The following PCDHA1 variants were observed in gnomAD, a reference collection of about 807,000 sequenced individuals.
The protein encoded by PCDHA1 is protocadherin alpha-1.
In PCDHA1, 42 loss-of-function variants were observed where a neutral mutation model predicts 61.3. That is an observed-to-expected ratio of 0.69 (90% CI 0.54 to 0.89). The LOEUF (loss-of-function observed/expected upper bound fraction) is 0.89, where lower values mean the gene tolerates loss of function less well. Ranked by LOEUF, PCDHA1 falls within the 40% of genes least tolerant of loss-of-function variation. The pLI is 0.00. For missense variants in PCDHA1, 1,256 were observed against 1,235.3 expected, an observed-to-expected ratio of 1.02 and a Z score of -0.25; for synonymous variants, 610 against 553.8, an observed-to-expected ratio of 1.10 and a Z score of -1.43.
chr5:140,896,090 C>CA (rs2065374359), intron 1 of PCDHA1, among the ~76,000 whole-genome samples: 1 of 152,152 alleles, frequency 6.6e-6, no homozygotes, highest in Non-Finnish European at 1.5e-5. Flanking sequence ...GGATTACAGG[C>CA]GTGAGCCACT....
At chr5:140,974,931 A>G (rs555720345) in intron 1 of PCDHA1, among the ~76,000 whole-genome samples, 1 of 152,324 alleles carries the variant, frequency 6.6e-6, no homozygotes, top group African/African-American at 2.4e-5. Context: ...TGTTTAAAAC[A>G]CCACCTATTT....
chr5:140,802,916 C>T (rs1554122439), intron 1 of PCDHA1: 2 of 1,613,732 alleles, frequency 1.2e-6, no homozygotes, highest in Admixed American at 1.7e-5. Context: ...TGGGTGGCAT[C>T]GGTGGCGCAG....
chr5:140,918,473 T>G (rs1385942505), intron 1 of PCDHA1, among the ~76,000 whole-genome samples: 1 of 152,284 alleles, frequency 6.6e-6, no homozygotes, highest in East Asian at 1.9e-4. Context: ...ATTCCAAGTC[T>G]CAAGGGGAAT....
At chr5:140,839,918 C>T (rs1234582853) in intron 1 of PCDHA1, among the ~76,000 whole-genome samples, 1 of 151,872 alleles carries the variant, frequency 6.6e-6, no homozygotes, top group South Asian at 2.1e-4. Flanking sequence ...GAAGAAAAAC[C>T]TTGAACAAAG....
At chr5:140,796,023 GTC>G in intron 1 of PCDHA1, 1 of 1,614,070 alleles carries the variant, frequency 6.2e-7, no homozygotes, top group Non-Finnish European at 8.5e-7. Context: ...TCTCAATAAC[GTC>G]TCTCTCACTT....
intron 1 of PCDHA1, among the ~76,000 whole-genome samples, chr5:140,791,817 GT>G (rs1427628047): frequency 6.6e-6 from 1 of 151,988 alleles, no homozygotes; most frequent in Non-Finnish European, 1.5e-5. Context: ...TCCCCTTGTT[GT>G]TTTTTTCTTC....
intron 1 of PCDHA1, chr5:140,834,461 A>C: frequency 6.3e-7 from 1 of 1,589,356 alleles, no homozygotes; most frequent in Non-Finnish European, 8.6e-7. Context: ...CTTGGGAGGC[A>C]GGGAGAGGCC....
At position 140,869,199 on chromosome 5, in the gene PCDHA1, C is replaced by G. The variant is rs1315511579; in HGVS notation, c.2394+80515C>G. 8 of 1,613,906 alleles carry G rather than the reference C, an allele frequency of 5.0e-6. No individual in the cohort carries two copies. In the African/African-American group the frequency reaches 1.1e-4, roughly 22 times the overall value. On this transcript the variant is annotated intron_variant, in intron 1 of 3. Coordinates refer to ENST00000504120, the MANE Select transcript of PCDHA1 (RefSeq NM_018900.4). The stretch of plus-strand genomic sequence containing the variant: ...GGGAGGTGGGGAGCGGCCAGCTCCA[C>G]TACTCCGTCTCGGAGGAGGCCAAAC...
At chr5:140,797,467 C>T (rs782707263) in intron 1 of PCDHA1, 14 of 1,245,236 alleles carry the variant, frequency 1.1e-5, no homozygotes, top group African/African-American at 6.1e-5. Flanking sequence ...ATCATCCTAC[C>T]GTGCGATTTT....
In PCDHA1 at chr5:140,857,031, C is replaced by A. The variant is rs782539359; in HGVS notation, c.2394+68347C>A. 6 of 1,596,318 alleles carry A rather than the reference C, an allele frequency of 3.8e-6. No homozygotes were observed. The South Asian group carries it at 6.6e-5, about 18-fold the overall frequency. On this transcript the variant is annotated intron_variant, in intron 1 of 3. Coordinates refer to ENST00000504120, the MANE Select transcript of PCDHA1 (RefSeq NM_018900.4). The stretch of plus-strand genomic sequence containing the variant: ...GATGTTACAGATAAGGGAAACCCAC[C>A]TATGGTTGGTCACTGCACGGTCCTA...
chr5:140,966,918 A>T, intron 1 of PCDHA1: 1 of 1,602,744 alleles, frequency 6.2e-7, no homozygotes. Flanking sequence ...GTGCCAGAGG[A>T]GCAGGCACCC....
intron 1 of PCDHA1, chr5:140,801,627 G>C (rs1554121590): frequency 5.6e-6 from 9 of 1,614,018 alleles, no homozygotes; most frequent in Non-Finnish European, 5.9e-6. Context: ...GTTTATTTCC[G>C]AATCCCGACA....
chr5:140,871,210 A>T (rs2052831697), intron 1 of PCDHA1: 2 of 1,613,818 alleles, frequency 1.2e-6, no homozygotes, highest in Middle Eastern at 1.7e-4. Flanking sequence ...GATCATCGCC[A>T]TCTGCGTGGT....
intron 1 of PCDHA1, chr5:140,796,198 G>A (rs549114768): frequency 6.2e-7 from 1 of 1,614,184 alleles, no homozygotes; most frequent in Non-Finnish European, 8.5e-7. Context: ...GCTGGACAGC[G>A]CCCTGGACCG....
intron 1 of PCDHA1, chr5:140,856,936 A>C: frequency 6.3e-7 from 1 of 1,594,202 alleles, no homozygotes. Flanking sequence ...GGATAAACGA[A>C]AGGACGGGAG....
chr5:140,843,337 C>A lies in PCDHA1; in HGVS notation c.2394+54653C>A, dbSNP rs2150357766. On this transcript the variant is annotated intron_variant, in intron 1 of 3. Coordinates refer to ENST00000504120, the MANE Select transcript of PCDHA1 (RefSeq NM_018900.4). ...CGGTTCTGGTGTCGCTGGTGGAGAGCGGCCAGGCTCCAAAAGCGTCATCGA... is the reference window on the plus strand; with the variant it reads ...CGGTTCTGGTGTCGCTGGTGGAGAGAGGCCAGGCTCCAAAAGCGTCATCGA... 16 of 1,596,000 alleles carry A rather than the reference C, an allele frequency of 1.0e-5. 3 individuals carry two copies. Among genetic ancestry groups the A allele is most frequent in the Non-Finnish European group, 1.2e-5 (14 of 1,165,568 alleles).
intron 1 of PCDHA1, chr5:140,849,498 A>G: frequency 6.3e-7 from 1 of 1,593,626 alleles, no homozygotes. Context: ...TGGTCATTGT[A>G]CACTTCTTGT....
chr5:140,931,409 A>G (rs1172534741), intron 1 of PCDHA1, among the ~76,000 whole-genome samples: 1 of 152,082 alleles, frequency 6.6e-6, no homozygotes, highest in African/African-American at 2.4e-5. Flanking sequence ...AGGAAGGCTG[A>G]TGAATCTAGA....
chr5:140,808,411 G>T (rs1764164974), intron 1 of PCDHA1: 1 of 1,614,042 alleles, frequency 6.2e-7, no homozygotes, highest in Admixed American at 1.7e-5. Context: ...ACTCGTTGGT[G>T]CTGGACAGTG....
Sources: allele counts gnomAD v4.1 joint callset (sites outside exome capture counted in the v4.1 genomes callset), GRCh38; gene constraint gnomAD v4.1.1; transcripts MANE v1.5; gene names NCBI Gene and HGNC (gene_info 2026-07-23, HGNC 2026-07-21).